The following SCN10A variants were observed in gnomAD, a reference collection of about 807,000 sequenced individuals.
SCN10A encodes the protein sodium voltage-gated channel alpha subunit 10.
SCN10A carries 162 observed loss-of-function variants against 170.7 expected under a neutral mutation model. That is an observed-to-expected ratio of 0.95 (90% confidence interval 0.84 to 1.08). The LOEUF is 1.08. Among genes scored for constraint, SCN10A ranks in the 50% least tolerant of loss-of-function variants. SCN10A has a pLI of 0.00. For missense variants in SCN10A, 2,527 were observed against 2,436.9 expected (o/e 1.04, Z -0.78); for synonymous variants, 985 against 904.6 (o/e 1.09, Z -1.59).
Position 38,702,862 on chromosome 3 carries a change from T to G in SCN10A, c.4387-753A>C, listed in dbSNP as rs553256315. On this transcript the variant is annotated intron_variant, in intron 26 of 27. Transcript: ENST00000449082. The stretch of plus-strand genomic sequence containing the variant: ...TTTATATCTGGTTATTTTTATGGTG[T>G]CTTTAAAAAGCTCCTACTGTGATCT... Among the ~76,000 whole-genome samples the G allele has an allele frequency of 5.3e-5, 8 of 152,320 alleles. No homozygotes were observed. In the South Asian group the frequency reaches 1.5e-3, roughly 28 times the overall value.
chr3:38,790,073 A>G (rs930553362), intron 3 of SCN10A, among the ~76,000 whole-genome samples: 2 of 152,192 alleles, frequency 1.3e-5, no homozygotes, highest in Non-Finnish European at 2.9e-5. Context: ...GGAAAATTCT[A>G]TTAATTAAAC....
chr3:38,795,309 T>C (rs1400813156), intron 1 of SCN10A, among the ~76,000 whole-genome samples: 1 of 151,698 alleles, frequency 6.6e-6, no homozygotes, highest in Non-Finnish European at 1.5e-5. Context: ...GGGGCCCTTC[T>C]CAGTTCTTGT....
chr3:38,746,787 T>C (rs2063695258), intron 13 of SCN10A, among the ~76,000 whole-genome samples: 1 of 152,220 alleles, frequency 6.6e-6, no homozygotes, highest in Non-Finnish European at 1.5e-5. Context: ...CTTAGTATCC[T>C]GCACTTCCTC....
intron 21 of SCN10A, 29 bp downstream of exon 21, chr3:38,718,624 A>T: frequency 6.2e-7 from 1 of 1,612,046 alleles, no homozygotes; most frequent in Non-Finnish European, 8.5e-7. Flanking sequence ...AGGACCCCAA[A>T]CCCCACGTGT....
intron 4 of SCN10A, among the ~76,000 whole-genome samples, chr3:38,784,464 T>C (rs1225783657): frequency 6.6e-6 from 1 of 152,102 alleles, no homozygotes; most frequent in Non-Finnish European, 1.5e-5. Context: ...ATAAACTAGG[T>C]ATTGATGGAA....
chr3:38,784,738 A>G (rs942365871), intron 4 of SCN10A, among the ~76,000 whole-genome samples: 2 of 152,102 alleles, frequency 1.3e-5, no homozygotes, highest in African/African-American at 4.8e-5. Context: ...AAACCCCATC[A>G]TCTCAGCCCA....
At chr3:38,783,019 T>C (rs1408292355) in intron 4 of SCN10A, among the ~76,000 whole-genome samples, 1 of 152,076 alleles carries the variant, frequency 6.6e-6, no homozygotes, top group African/African-American at 2.4e-5. Context: ...CTTTCTAGCT[T>C]ATAGATGTCT....
At chr3:38,801,266 A>G (rs948529774) in intron 1 of SCN10A, among the ~76,000 whole-genome samples, 3 of 152,186 alleles carry the variant, frequency 2.0e-5, no homozygotes, top group South Asian at 2.1e-4. Context: ...TCCTCGATTC[A>G]CAACAGTAAC....
At chr3:38,798,462 G>A (rs2064353166) in intron 1 of SCN10A, among the ~76,000 whole-genome samples, 2 of 152,132 alleles carry the variant, frequency 1.3e-5, no homozygotes, top group Admixed American at 6.6e-5. Context: ...AACCTTAATT[G>A]GGAATCCCTA....
intron 1 of SCN10A, among the ~76,000 whole-genome samples, chr3:38,813,351 C>T (rs2064452360): frequency 6.6e-6 from 1 of 152,144 alleles, no homozygotes; most frequent in African/African-American, 2.4e-5. Context: ...TTCCTTGTGC[C>T]AGTAACCAGC....
chr3:38,767,426 G>C (rs977923469), intron 5 of SCN10A, among the ~76,000 whole-genome samples: 2 of 151,946 alleles, frequency 1.3e-5, no homozygotes, highest in Non-Finnish European at 2.9e-5. Context: ...CAGAGGTTTT[G>C]ATAAGTTGTG....
At chr3:38,788,622 G>C (rs944143363) in intron 4 of SCN10A, among the ~76,000 whole-genome samples, 3 of 119,498 alleles carry the variant, frequency 2.5e-5, no homozygotes, top group Non-Finnish European at 5.8e-5. Flanking sequence ...GTGTGTGTTG[G>C]GGGGGGGTGG....
intron 27 of SCN10A, among the ~76,000 whole-genome samples, chr3:38,699,452 G>C (rs1222870175): frequency 6.6e-6 from 1 of 152,070 alleles, no homozygotes; most frequent in East Asian, 1.9e-4. Context: ...GGTAAGAGAG[G>C]GTTCAACATC....
intron 15 of SCN10A, among the ~76,000 whole-genome samples, chr3:38,734,301 C>T (rs1299804561): frequency 1.3e-5 from 2 of 152,078 alleles, no homozygotes; most frequent in East Asian, 1.9e-4. Context: ...GGATTACAGG[C>T]GTGAGCCACC....
chr3:38,792,894 TTTTG>T (rs1311412908), intron 2 of SCN10A, among the ~76,000 whole-genome samples: 1 of 152,144 alleles, frequency 6.6e-6, no homozygotes, highest in Admixed American at 6.6e-5. Context: ...CCCAAATAAC[TTTTG>T]TTTATGTTGA....
At chr3:38,756,368 T>C (rs531141746) in intron 10 of SCN10A, among the ~76,000 whole-genome samples, 1 of 151,832 alleles carries the variant, frequency 6.6e-6, no homozygotes, top group Non-Finnish European at 1.5e-5. Flanking sequence ...TGCCCCAGAG[T>C]TCCCCATGGG....
At chr3:38,717,168 G>C (rs2063342068) in intron 21 of SCN10A, among the ~76,000 whole-genome samples, 1 of 152,120 alleles carries the variant, frequency 6.6e-6, no homozygotes, top group Non-Finnish European at 1.5e-5. Context: ...GAAGAGAAGA[G>C]GGAAAGAAGA....
At chr3:38,778,557 G>A (rs1325701916) in intron 4 of SCN10A, among the ~76,000 whole-genome samples, 3 of 151,986 alleles carry the variant, frequency 2.0e-5, no homozygotes, top group Non-Finnish European at 4.4e-5. Context: ...GCAGGTAATT[G>A]TGCAAAGCTA....
chr3:38,813,079 C>T (rs1409626269), intron 1 of SCN10A, among the ~76,000 whole-genome samples: 2 of 152,100 alleles, frequency 1.3e-5, no homozygotes, highest in South Asian at 2.1e-4. Context: ...CACAACCTCC[C>T]TCAATTCCCC....
Sources: allele counts gnomAD v4.1 joint callset (sites outside exome capture counted in the v4.1 genomes callset), GRCh38; gene constraint gnomAD v4.1.1; transcripts MANE v1.5; gene names NCBI Gene and HGNC (gene_info 2026-07-23, HGNC 2026-07-21).